The following GPC5 variants were observed in gnomAD, a reference collection of about 807,000 sequenced individuals.
GPC5 encodes the protein glypican-5.
A neutral mutation model predicts 53.9 loss-of-function variants in GPC5; 47 were observed. The ratio of observed to expected loss-of-function variants is 0.87; its 90% CI spans 0.69 to 1.11. The LOEUF (loss-of-function observed/expected upper bound fraction) is 1.11, where lower values mean the gene tolerates loss of function less well. GPC5 is among the 50% of genes most tolerant of loss of function. The pLI is 0.00. For missense variants in GPC5, 748 were observed against 713.1 expected (o/e 1.05, Z -0.56); for synonymous variants, 286 against 263.3 (o/e 1.09, Z -0.84).
chr13:91,973,089 C>T (rs1258199933), intron 6 of GPC5, among the ~76,000 whole-genome samples: 22 of 152,226 alleles, frequency 1.4e-4, no homozygotes, highest in Non-Finnish European at 3.2e-4. Flanking sequence ...TTCTCCCCGT[C>T]ACTTTCAGGT....
Position 91,399,146 on chromosome 13 carries a change from C to A in GPC5, c.100C>A (p.Arg34=). 6.2e-7 allele frequency: 1 copy of A among 1,613,526 alleles called. No individual in the cohort carries two copies. Among genetic ancestry groups the A allele is most frequent in the Non-Finnish European group, 8.5e-7 (1 of 1,179,828 alleles). ...SEGVQTCEEV[R]KLFQWRLLGA... Reference sequence around the variant, plus strand: ...GGGCGTGCAGACCTGCGAAGAAGTTCGGAAACTTTTCCAGTGGCGGCTGCT... The same window carrying A: ...GGGCGTGCAGACCTGCGAAGAAGTTAGGAAACTTTTCCAGTGGCGGCTGCT... The change falls in exon 1 of 8, where the codon CGG becomes AGG. Residue 34 remains arginine (R), a synonymous_variant. Transcript: ENST00000377067.
chr13:92,746,231 A>T (rs1406818856), intron 7 of GPC5, among the ~76,000 whole-genome samples: 1 of 152,110 alleles, frequency 6.6e-6, no homozygotes, highest in East Asian at 1.9e-4. Flanking sequence ...CTTCAAAGGG[A>T]TACCTCAATT....
chr13:91,558,522 C>T (rs1036826767), intron 2 of GPC5, among the ~76,000 whole-genome samples: 2 of 152,034 alleles, frequency 1.3e-5, no homozygotes, highest in African/African-American at 4.8e-5. Flanking sequence ...AGGGACATTG[C>T]AGGAAGAAGG....
intron 7 of GPC5, among the ~76,000 whole-genome samples, chr13:92,589,358 C>A (rs1883643836): frequency 6.6e-6 from 1 of 152,110 alleles, no homozygotes; most frequent in African/African-American, 2.4e-5. Flanking sequence ...ACTCATAGTG[C>A]TGCGATTTTC....
chr13:91,568,633 T>C (rs2031644391), intron 2 of GPC5, among the ~76,000 whole-genome samples: 1 of 151,940 alleles, frequency 6.6e-6, no homozygotes, highest in African/African-American at 2.4e-5. Context: ...TTTTCAAATA[T>C]TTTGTCTTTA....
chr13:91,754,587 T>C (rs2037249553), intron 4 of GPC5, among the ~76,000 whole-genome samples: 1 of 152,102 alleles, frequency 6.6e-6, no homozygotes. Flanking sequence ...AGACTCTGAT[T>C]CCGAACAAGT....
At chr13:91,931,864 G>A (rs1215680248) in intron 6 of GPC5, among the ~76,000 whole-genome samples, 1 of 151,750 alleles carries the variant, frequency 6.6e-6, no homozygotes, top group African/African-American at 2.4e-5. Flanking sequence ...GAAATACCTG[G>A]GAGTGCATGA....
chr13:92,452,648 A>G (rs1878110734), intron 7 of GPC5, among the ~76,000 whole-genome samples: 2 of 151,984 alleles, frequency 1.3e-5, no homozygotes, highest in African/African-American at 2.4e-5. Context: ...GCTCACTGCA[A>G]CCTCTGCCTC....
intron 7 of GPC5, among the ~76,000 whole-genome samples, chr13:92,297,049 A>G (rs564203908): frequency 0.01 from 1,548 of 152,328 alleles, 27 homozygotes; most frequent in Middle Eastern, 0.044. Flanking sequence ...TGAGGAATGC[A>G]AGCGCATGGC....
At position 92,440,496 on chromosome 13, in the gene GPC5, C is replaced by T. The variant is rs148779439; in HGVS notation, c.1561+295507C>T. Among the ~76,000 whole-genome samples the T allele has an allele frequency of 1.3e-3, 196 of 152,266 alleles. 1 individual carries two copies. Among genetic ancestry groups the T allele is most frequent in the African/African-American group, 4.4e-3 (181 of 41,544 alleles). ...ACGTACCACATTTTCTTTATTTAGT[C>T]ACCATCAATGGGCATCTAAGTAGAT... On this transcript the variant is annotated intron_variant, in intron 7 of 7. Transcript: ENST00000377067.
intron 7 of GPC5, among the ~76,000 whole-genome samples, chr13:92,805,297 A>T (rs1877053324): frequency 6.6e-6 from 1 of 152,082 alleles, no homozygotes; most frequent in Admixed American, 6.6e-5. Flanking sequence ...AGACTTCAAA[A>T]TCAAAATAAC....
At chr13:92,462,714 A>G (rs9301810) in intron 7 of GPC5, among the ~76,000 whole-genome samples, 53,436 of 145,414 alleles carry the variant, frequency 0.37, 10,642 homozygotes, top group Middle Eastern at 0.49. Context: ...TGTTTTGTTC[A>G]TGTCTTTTTT....
rs925652636 is a variant in GPC5 at position 91,540,899 on chromosome 13, A to T, written c.325+91977A>T. Among the ~76,000 whole-genome samples the T allele has an allele frequency of 5.9e-5, 9 of 152,208 alleles. No homozygotes were observed. The East Asian group carries it at 1.5e-3, about 26-fold the overall frequency. On this transcript the variant is annotated intron_variant, in intron 2 of 7. Coordinates refer to ENST00000377067, the MANE Select transcript of GPC5 (RefSeq NM_004466.6). The stretch of plus-strand genomic sequence containing the variant: ...GGATAAAGACATACAGAAAAAAAAA[A>T]CAGTGGCCACAACATTATACATTGT...
intron 7 of GPC5, among the ~76,000 whole-genome samples, chr13:92,157,862 T>C (rs2041956764): frequency 6.6e-6 from 1 of 152,196 alleles, no homozygotes; most frequent in Non-Finnish European, 1.5e-5. Context: ...GAAATCTCAC[T>C]GTTTCTGGTG....
At chr13:91,839,803 A>T (rs1027529752) in intron 5 of GPC5, among the ~76,000 whole-genome samples, 2 of 151,908 alleles carry the variant, frequency 1.3e-5, no homozygotes, top group African/African-American at 4.8e-5. Context: ...ATGACTAATA[A>T]TTTTTTTTCA....
At chr13:92,605,031 C>A (rs986498037) in intron 7 of GPC5, among the ~76,000 whole-genome samples, 4 of 152,166 alleles carry the variant, frequency 2.6e-5, no homozygotes, top group African/African-American at 9.7e-5. Context: ...ATTACATCTC[C>A]CAGACGAATT....
intron 7 of GPC5, among the ~76,000 whole-genome samples, chr13:92,299,977 G>T (rs754667099): frequency 2.0e-5 from 3 of 152,080 alleles, no homozygotes; most frequent in Non-Finnish European, 4.4e-5. Context: ...TCCTTACTTT[G>T]CTCACCCCAA....
At chr13:91,520,704 ATATGTGTGTGTGTG>A (rs1287359840) in intron 2 of GPC5, among the ~76,000 whole-genome samples, 2 of 150,840 alleles carry the variant, frequency 1.3e-5, no homozygotes, top group South Asian at 2.1e-4. Context: ...ATATGTATAT[ATATGTGTGTGTGTG>A]TATGTGTGTG....
chr13:92,587,240 A>T (rs896900482), intron 7 of GPC5, among the ~76,000 whole-genome samples: 1 of 152,196 alleles, frequency 6.6e-6, no homozygotes, highest in Admixed American at 6.5e-5. Context: ...AAGAACTAAA[A>T]TATAAAGAAA....
Sources: allele counts gnomAD v4.1 joint callset (sites outside exome capture counted in the v4.1 genomes callset), GRCh38; gene constraint gnomAD v4.1.1; transcripts MANE v1.5; gene names NCBI Gene and HGNC (gene_info 2026-07-23, HGNC 2026-07-21).